SYNDIG1: variants seen among roughly 807,000 people sequenced by gnomAD.
The protein encoded by SYNDIG1 is synapse differentiation inducing 1.
In SYNDIG1, 9 loss-of-function variants were observed where a neutral mutation model predicts 19.4. The observed-to-expected ratio is 0.46, with a 90% CI of 0.28 to 0.81. The LOEUF (loss-of-function observed/expected upper bound fraction) is 0.81, where lower values mean the gene tolerates loss of function less well. SYNDIG1 is among the 30% of genes least tolerant of loss of function. SYNDIG1 has a pLI of 0.12. For synonymous variants in SYNDIG1, 141 were observed against 145.9 expected (o/e 0.97, Z 0.24); for missense variants, 311 against 343.3 (o/e 0.91, Z 0.74).
At chr20:24,617,857 AT>A in intron 3 of SYNDIG1, among the ~76,000 whole-genome samples, 1 of 60,768 alleles carries the variant, frequency 1.6e-5, no homozygotes, top group Admixed American at 1.7e-4. Context: ...GGGGGAGGGT[AT>A]GGGAGTGGGG....
At chr20:24,530,926 A>G (rs968017282) in intron 1 of SYNDIG1, among the ~76,000 whole-genome samples, 5 of 151,340 alleles carry the variant, frequency 3.3e-5, no homozygotes, top group Non-Finnish European at 7.4e-5. Flanking sequence ...CTCCTGCCTC[A>G]GGCTCCTGAG....
Position 24,586,635 on chromosome 20 carries a change from C to T in SYNDIG1, c.618+1642C>T, listed in dbSNP as rs112626640. Among the ~76,000 whole-genome samples the T allele has an allele frequency of 2.8e-4, 43 of 152,326 alleles. 1 individual carries two copies. The highest frequency in any genetic ancestry group is 8.7e-4 in the African/African-American group (36 of 41,570). On this transcript the variant is annotated intron_variant, in intron 3 of 3. Coordinates refer to ENST00000376862, the MANE Select transcript of SYNDIG1 (RefSeq NM_024893.3). ...GGACAGGTGACATCAAACGCACCCC[C>T]GAAGCCTCCCTTGTACACTCCAGCC...
intron 1 of SYNDIG1, among the ~76,000 whole-genome samples, chr20:24,517,800 ATT>A (rs1199023314): frequency 4.2e-5 from 6 of 141,220 alleles, no homozygotes; most frequent in Admixed American, 7.2e-5. Context: ...TTGAAAAAAT[ATT>A]TTTTATATAT....
chr20:24,559,824 A>G (rs1260805134), intron 2 of SYNDIG1, among the ~76,000 whole-genome samples: 1 of 152,106 alleles, frequency 6.6e-6, no homozygotes, highest in Non-Finnish European at 1.5e-5. Flanking sequence ...TTTCATATAA[A>G]TAAGACATCA....
At chr20:24,519,135 T>TAAAAAA (rs2056950342) in intron 1 of SYNDIG1, among the ~76,000 whole-genome samples, 1 of 152,224 alleles carries the variant, frequency 6.6e-6, no homozygotes, top group Non-Finnish European at 1.5e-5. Context: ...GCTACTGATA[T>TAAAAAA]TTTTTATGTT....
intron 3 of SYNDIG1, among the ~76,000 whole-genome samples, chr20:24,589,019 A>G (rs1349729227): frequency 6.6e-6 from 1 of 152,186 alleles, no homozygotes; most frequent in Non-Finnish European, 1.5e-5. Flanking sequence ...CATTTTGCCC[A>G]ACAATGTTCC....
intron 1 of SYNDIG1, among the ~76,000 whole-genome samples, chr20:24,480,034 TC>T (rs2055753562): frequency 6.6e-6 from 1 of 152,148 alleles, no homozygotes. Flanking sequence ...CATTACATAG[TC>T]CCACACCTCC....
intron 2 of SYNDIG1, among the ~76,000 whole-genome samples, chr20:24,584,223 C>T (rs1208084970): frequency 1.3e-5 from 2 of 152,164 alleles, no homozygotes; most frequent in Non-Finnish European, 2.9e-5. Context: ...AAGCCACCCT[C>T]GTGCTCCAGG....
intron 3 of SYNDIG1, among the ~76,000 whole-genome samples, chr20:24,604,229 G>T (rs2058721309): frequency 6.6e-6 from 1 of 152,216 alleles, no homozygotes; most frequent in Middle Eastern, 3.4e-3. Context: ...ATAAGTGTGG[G>T]TGTCAGAGGC....
chr20:24,651,732 C>T (rs549975974), intron 3 of SYNDIG1, among the ~76,000 whole-genome samples: 2 of 152,300 alleles, frequency 1.3e-5, no homozygotes, highest in South Asian at 4.1e-4. Flanking sequence ...TGGGCTGGCC[C>T]CACTGAGCCA....
intron 3 of SYNDIG1, among the ~76,000 whole-genome samples, chr20:24,593,183 T>C (rs767164048): frequency 8.5e-5 from 13 of 152,244 alleles, no homozygotes; most frequent in Admixed American, 2.6e-4. Flanking sequence ...TAGTACCTGA[T>C]AGACATCCTC....
intron 1 of SYNDIG1, among the ~76,000 whole-genome samples, chr20:24,474,048 C>G (rs1229432282): frequency 6.6e-6 from 1 of 152,168 alleles, no homozygotes; most frequent in East Asian, 1.9e-4. Context: ...CAGGAATGTA[C>G]CCAGGGTGTG....
chr20:24,470,602 C>T (rs1276594878), intron 1 of SYNDIG1, among the ~76,000 whole-genome samples: 1 of 152,190 alleles, frequency 6.6e-6, no homozygotes, highest in Non-Finnish European at 1.5e-5. Context: ...GAAGGAATGG[C>T]TCACTGGATG....
rs142188937 is a variant in SYNDIG1, at chr20:24,494,958, G to A, written c.-79+25205G>A. ...GAGTGACTCCTACTACCTCAGTCCA[G>A]GTCCAGGGTTCTCATTCAATCTATA... On this transcript the variant is annotated intron_variant, in intron 1 of 3. Coordinates refer to ENST00000376862, the MANE Select transcript of SYNDIG1 (RefSeq NM_024893.3). 1.0e-3 allele frequency among the ~76,000 whole-genome samples: 153 copies of A among 152,280 alleles called. 1 individual carries two copies. The highest frequency in any genetic ancestry group is 3.4e-3 in the Middle Eastern group (1 of 294).
At chr20:24,592,700 G>A (rs993724868) in intron 3 of SYNDIG1, among the ~76,000 whole-genome samples, 20 of 152,184 alleles carry the variant, frequency 1.3e-4, no homozygotes, top group Non-Finnish European at 2.2e-4. Flanking sequence ...TGCATCCTCA[G>A]CCTCCTAAAC....
intron 1 of SYNDIG1, among the ~76,000 whole-genome samples, chr20:24,539,564 T>C (rs936908658): frequency 1.3e-5 from 2 of 152,178 alleles, no homozygotes; most frequent in African/African-American, 2.4e-5. Context: ...CAGCCTGAGC[T>C]CCTTGAGATT....
chr20:24,521,941 G>A (rs2057014704), intron 1 of SYNDIG1, among the ~76,000 whole-genome samples: 1 of 150,974 alleles, frequency 6.6e-6, no homozygotes, highest in Admixed American at 6.6e-5. Flanking sequence ...AAATAGTAAT[G>A]AAAGTTACAA....
chr20:24,654,274 A>G (rs2059501051), intron 3 of SYNDIG1, among the ~76,000 whole-genome samples: 1 of 152,016 alleles, frequency 6.6e-6, no homozygotes, highest in Non-Finnish European at 1.5e-5. Context: ...TGAAACCTGA[A>G]CAAATGGGTG....
intron 2 of SYNDIG1, among the ~76,000 whole-genome samples, chr20:24,584,235 GGAAATCAGGCCCCACCTGT>G (rs2058375624): frequency 6.6e-6 from 1 of 152,140 alleles, no homozygotes; most frequent in South Asian, 2.1e-4. Context: ...TGCTCCAGGT[GGAAATCAGGCCCCACCTGT>G]GTCTTGACTC....
Sources: allele counts gnomAD v4.1 joint callset (sites outside exome capture counted in the v4.1 genomes callset), GRCh38; gene constraint gnomAD v4.1.1; transcripts MANE v1.5; gene names NCBI Gene and HGNC (gene_info 2026-07-23, HGNC 2026-07-21).